GPC6: variants seen among roughly 807,000 people sequenced by gnomAD.
GPC6 encodes glypican 6.
In GPC6, 14 loss-of-function variants were observed where a neutral mutation model predicts 55.2. The ratio of observed to expected loss-of-function variants is 0.25; its 90% confidence interval spans 0.17 to 0.40. The LOEUF (loss-of-function observed/expected upper bound fraction) is 0.40, where lower values mean the gene tolerates loss of function less well. Among genes scored for constraint, GPC6 ranks in the 10% least tolerant of loss-of-function variants. The pLI is 1.00. For missense variants in GPC6, 641 were observed against 708.5 expected (o/e 0.90, Z 1.08); for synonymous variants, 278 against 259.6 (o/e 1.07, Z -0.68).
At chr13:94,036,560 A>C (rs538320292) in intron 4 of GPC6, among the ~76,000 whole-genome samples, 1 of 152,160 alleles carries the variant, frequency 6.6e-6, no homozygotes, top group East Asian at 1.9e-4. Flanking sequence ...TTCACCACTA[A>C]AATCTCAAGG....
chr13:93,744,209 C>A (rs1566513709), intron 2 of GPC6, among the ~76,000 whole-genome samples: 1 of 152,138 alleles, frequency 6.6e-6, no homozygotes, highest in Non-Finnish European at 1.5e-5. Context: ...AGGTCTCTAC[C>A]CGCTTGACTT....
At chr13:93,599,602 C>T (rs7983396) in intron 2 of GPC6, among the ~76,000 whole-genome samples, 41,954 of 152,000 alleles carry the variant, frequency 0.28, 6,806 homozygotes, top group Non-Finnish European at 0.37. Context: ...CTTGTAGGGT[C>T]ACAGATGGCC....
intron 4 of GPC6, among the ~76,000 whole-genome samples, chr13:94,174,673 A>G (rs1479490158): frequency 3.3e-5 from 5 of 152,198 alleles, no homozygotes; most frequent in Admixed American, 1.3e-4. Context: ...ATCAAGCACT[A>G]TAATGTCCTT....
chr13:93,542,863 T>C (rs1402144000), intron 1 of GPC6, among the ~76,000 whole-genome samples: 1 of 152,110 alleles, frequency 6.6e-6, no homozygotes, highest in Non-Finnish European at 1.5e-5. Flanking sequence ...GTGATTTTTG[T>C]AGATTGATTT....
At chr13:93,471,492 C>T (rs1033402877) in intron 1 of GPC6, among the ~76,000 whole-genome samples, 7 of 151,996 alleles carry the variant, frequency 4.6e-5, no homozygotes, top group South Asian at 2.1e-4. Flanking sequence ...CTGCACTCCA[C>T]GCTGGGCGAC....
chr13:93,986,480 G>T (rs1371849741), intron 3 of GPC6, among the ~76,000 whole-genome samples: 1 of 152,128 alleles, frequency 6.6e-6, no homozygotes, highest in African/African-American at 2.4e-5. Context: ...TAAAGAAAAA[G>T]AGGAAAAAAC....
intron 6 of GPC6, among the ~76,000 whole-genome samples, chr13:94,369,328 C>A (rs1188713093): frequency 6.6e-6 from 1 of 152,200 alleles, no homozygotes; most frequent in Non-Finnish European, 1.5e-5. Flanking sequence ...CTCACAGTGA[C>A]TACTCAGGAA....
chr13:93,831,076 A>G (rs971013923), intron 3 of GPC6: 1 of 156,276 alleles, frequency 6.4e-6, no homozygotes, highest in Non-Finnish European at 1.4e-5. Context: ...TGACACCTGT[A>G]TTACTGGATT....
At chr13:94,237,021 A>G (rs1483442187) in intron 4 of GPC6, among the ~76,000 whole-genome samples, 3 of 152,130 alleles carry the variant, frequency 2.0e-5, no homozygotes, top group Non-Finnish European at 4.4e-5. Flanking sequence ...GAGTCAAGTC[A>G]TATTGCTCCA....
At chr13:93,648,901 T>A (rs1880289847) in intron 2 of GPC6, among the ~76,000 whole-genome samples, 1 of 152,158 alleles carries the variant, frequency 6.6e-6, no homozygotes, top group Non-Finnish European at 1.5e-5. Flanking sequence ...TGCCAAAAGG[T>A]GTAGTACATT....
In GPC6 at chr13:93,884,487, G is replaced by A. The variant is rs1046212083; in HGVS notation, c.711+53942G>A. ...TCTCGTTCTTCACAAAAAAAGCATT[G>A]CAATATTTACATCATAACTTTACTG... is the stretch of plus-strand genomic sequence containing the variant. On this transcript the variant is annotated intron_variant, in intron 3 of 8. Coordinates refer to ENST00000377047, the MANE Select transcript of GPC6 (RefSeq NM_005708.5). Among the ~76,000 whole-genome samples, 6 of 151,858 alleles carry A rather than the reference G, an allele frequency of 4.0e-5. No homozygotes were observed. The East Asian group carries it at 1.2e-3, about 29-fold the overall frequency.
intron 1 of GPC6, among the ~76,000 whole-genome samples, chr13:93,352,650 G>A (rs1880672933): frequency 6.6e-6 from 1 of 152,098 alleles, no homozygotes; most frequent in Non-Finnish European, 1.5e-5. Flanking sequence ...TTGGGTTGGA[G>A]GGAGGAGTGG....
chr13:93,401,813 C>T (rs1160790931), intron 1 of GPC6, among the ~76,000 whole-genome samples: 1 of 150,826 alleles, frequency 6.6e-6, no homozygotes, highest in Non-Finnish European at 1.5e-5. Context: ...TATATACCTG[C>T]CCTTTGGTTA....
chr13:93,774,968 G>T (rs1409638338), intron 2 of GPC6, among the ~76,000 whole-genome samples: 2 of 152,178 alleles, frequency 1.3e-5, no homozygotes, highest in East Asian at 1.9e-4. Flanking sequence ...AGAAACAAAG[G>T]GTGAGAAAAG....
intron 4 of GPC6, among the ~76,000 whole-genome samples, chr13:94,242,923 A>C (rs564803726): frequency 6.6e-6 from 1 of 152,132 alleles, no homozygotes; most frequent in Non-Finnish European, 1.5e-5. Context: ...TTTAGAAGGA[A>C]TCATAATCCA....
chr13:93,849,283 C>A (rs1462535746), intron 3 of GPC6, among the ~76,000 whole-genome samples: 1 of 151,954 alleles, frequency 6.6e-6, no homozygotes, highest in East Asian at 1.9e-4. Flanking sequence ...GTAAATAGTG[C>A]CCTGCCTGAA....
At chr13:94,376,978 G>A (rs1167306791) in intron 6 of GPC6, among the ~76,000 whole-genome samples, 1 of 151,736 alleles carries the variant, frequency 6.6e-6, no homozygotes, top group African/African-American at 2.4e-5. Flanking sequence ...AAATGGTGCT[G>A]GGAAAACTGG....
chr13:93,907,940 G>T lies in GPC6; in HGVS notation c.711+77395G>T, dbSNP rs114205284. On this transcript the variant is annotated intron_variant, in intron 3 of 8. Transcript: ENST00000377047. ...TGAGTGTCCTCTTTACCTGTCTATTGGTATGACAGGAATTCCTTCTTAAAT... is the reference window on the plus strand; with the variant it reads ...TGAGTGTCCTCTTTACCTGTCTATTTGTATGACAGGAATTCCTTCTTAAAT... Among the ~76,000 whole-genome samples, 1,483 of 152,066 alleles carry T rather than the reference G, an allele frequency of 9.8e-3. 20 individuals are homozygous for T. The highest frequency in any genetic ancestry group is 0.033 in the African/African-American group (1,385 of 41,474).
chr13:93,993,485 G>A (rs1035055962), intron 3 of GPC6, among the ~76,000 whole-genome samples: 3 of 151,440 alleles, frequency 2.0e-5, no homozygotes, highest in Admixed American at 6.6e-5. Flanking sequence ...TAGTAGAAAC[G>A]GTGTTTCACC....
Sources: gnomAD v4.1 joint callset for allele counts (sites outside exome capture counted in the v4.1 genomes callset) on GRCh38, gnomAD v4.1.1 for gene constraint, MANE v1.5 for transcripts, NCBI Gene and HGNC (gene_info 2026-07-23, HGNC 2026-07-21) for gene names.